PTPRD: variants seen among roughly 807,000 people sequenced by gnomAD.
PTPRD encodes protein tyrosine phosphatase receptor type D.
In PTPRD, 34 loss-of-function variants were observed where a neutral mutation model predicts 214.5. That is an observed-to-expected ratio of 0.16 (90% CI 0.12 to 0.21). The LOEUF is 0.21. PTPRD is among the 10% of genes least tolerant of loss of function. The probability of loss-of-function intolerance (pLI) is 1.00; values close to 1 mark genes in which losing one functional copy is unlikely to be tolerated. For synonymous variants in PTPRD, 1,128 were observed against 845.7 expected (o/e 1.33, Z -5.79); for missense variants, 2,545 against 2,398.7 (o/e 1.06, Z -1.27).
chr9:8,737,457 T>A (rs1290546034), intron 11 of PTPRD, among the ~76,000 whole-genome samples: 1 of 150,848 alleles, frequency 6.6e-6, no homozygotes, highest in Non-Finnish European at 1.5e-5. Context: ...AAACCAAAAA[T>A]AAACAGGATA....
At chr9:10,382,262 T>G (rs1485735388) in intron 2 of PTPRD, among the ~76,000 whole-genome samples, 2 of 151,962 alleles carry the variant, frequency 1.3e-5, no homozygotes, top group African/African-American at 4.8e-5. Context: ...AAAGCCTTTC[T>G]TTTTCAAACT....
At chr9:8,390,112 C>T (rs1039225824) in intron 36 of PTPRD, among the ~76,000 whole-genome samples, 2 of 152,102 alleles carry the variant, frequency 1.3e-5, no homozygotes, top group African/African-American at 2.4e-5. Flanking sequence ...GACAGCTGCC[C>T]CCTAATTGGA....
intron 14 of PTPRD, among the ~76,000 whole-genome samples, chr9:8,569,140 C>T (rs932009824): frequency 6.6e-6 from 1 of 152,054 alleles, no homozygotes; most frequent in African/African-American, 2.4e-5. Context: ...TTTTAACCCA[C>T]GTAGGTGAAA....
At chr9:9,953,025 G>A (rs949470280) in intron 4 of PTPRD, among the ~76,000 whole-genome samples, 2 of 152,170 alleles carry the variant, frequency 1.3e-5, no homozygotes, top group African/African-American at 2.4e-5. Flanking sequence ...ATGAATTTTA[G>A]GATGAACTGC....
At chr9:10,027,143 G>T (rs2096938922) in intron 4 of PTPRD, among the ~76,000 whole-genome samples, 1 of 152,056 alleles carries the variant, frequency 6.6e-6, no homozygotes, top group Non-Finnish European at 1.5e-5. Context: ...CTTACACTTG[G>T]GGGGAAATGT....
At chr9:10,231,985 A>T (rs199724010) in intron 3 of PTPRD, among the ~76,000 whole-genome samples, 9,038 of 95,080 alleles carry the variant, frequency 0.095, 295 homozygotes, top group East Asian at 0.17. Flanking sequence ...AGAGAGAGAG[A>T]GAGAGTGTGT....
At chr9:9,835,971 C>T (rs1374372285) in intron 5 of PTPRD, among the ~76,000 whole-genome samples, 1 of 152,146 alleles carries the variant, frequency 6.6e-6, no homozygotes, top group Non-Finnish European at 1.5e-5. Flanking sequence ...TATAGAATTA[C>T]ACTATCAGTT....
At chr9:9,347,526 G>A (rs1329433841) in intron 9 of PTPRD, among the ~76,000 whole-genome samples, 1 of 151,994 alleles carries the variant, frequency 6.6e-6, no homozygotes, top group Non-Finnish European at 1.5e-5. Flanking sequence ...AGGTGATGCA[G>A]AGTGGGTGTT....
chr9:8,562,326 T>A (rs1363276656), intron 14 of PTPRD, among the ~76,000 whole-genome samples: 1 of 152,200 alleles, frequency 6.6e-6, no homozygotes, highest in African/African-American at 2.4e-5. Flanking sequence ...TATGACAATA[T>A]TAATTATATT....
intron 7 of PTPRD, among the ~76,000 whole-genome samples, chr9:9,614,011 A>T (rs978884388): frequency 6.6e-6 from 1 of 152,146 alleles, no homozygotes; most frequent in African/African-American, 2.4e-5. Context: ...CCTTCTTCAC[A>T]TGTTGTCATA....
chr9:9,003,840 CTG>C (rs1047728189), intron 11 of PTPRD, among the ~76,000 whole-genome samples: 2 of 152,062 alleles, frequency 1.3e-5, no homozygotes, highest in Non-Finnish European at 2.9e-5. Context: ...AACTCGCAAT[CTG>C]TAAATGCCTG....
intron 8 of PTPRD, among the ~76,000 whole-genome samples, chr9:9,491,313 G>T (rs920411957): frequency 6.6e-6 from 1 of 151,866 alleles, no homozygotes; most frequent in South Asian, 2.1e-4. Context: ...AAAACTGATG[G>T]AATTAAAGGA....
intron 5 of PTPRD, among the ~76,000 whole-genome samples, chr9:9,936,244 A>C (rs931270247): frequency 1.3e-5 from 2 of 148,682 alleles, no homozygotes; most frequent in Admixed American, 6.6e-5. Context: ...TAATTAAACT[A>C]AAGAGCTTCT....
chr9:10,408,764 T>C (rs1457142053), intron 2 of PTPRD, among the ~76,000 whole-genome samples: 2 of 151,722 alleles, frequency 1.3e-5, no homozygotes, highest in African/African-American at 2.4e-5. Flanking sequence ...GTGTTTAGTC[T>C]TTCTAAGACT....
At chr9:8,435,830 C>T (rs940429970) in intron 35 of PTPRD, among the ~76,000 whole-genome samples, 1 of 152,092 alleles carries the variant, frequency 6.6e-6, no homozygotes, top group Non-Finnish European at 1.5e-5. Flanking sequence ...TTCAGCGCAC[C>T]ATTCCTTCAA....
chr9:10,513,705 C>T (rs1290577536), intron 2 of PTPRD, among the ~76,000 whole-genome samples: 5 of 152,118 alleles, frequency 3.3e-5, no homozygotes, highest in Non-Finnish European at 5.9e-5. Context: ...AAAGTCAGGG[C>T]CTGATTTGCC....
intron 43 of PTPRD, among the ~76,000 whole-genome samples, chr9:8,335,199 GA>G (rs1845404586): frequency 6.6e-6 from 1 of 151,422 alleles, no homozygotes; most frequent in Non-Finnish European, 1.5e-5. Context: ...CAACAAAAAA[GA>G]AAATTCCAGG....
intron 2 of PTPRD, among the ~76,000 whole-genome samples, chr9:10,404,345 T>A (rs991484670): frequency 1.3e-5 from 2 of 151,742 alleles, no homozygotes; most frequent in Non-Finnish European, 2.9e-5. Context: ...TTTTGACTTT[T>A]TGAGAGAAAG....
intron 9 of PTPRD, among the ~76,000 whole-genome samples, chr9:9,395,860 A>G (rs922739165): frequency 2.0e-4 from 31 of 152,132 alleles, no homozygotes; most frequent in African/African-American, 6.3e-4. Context: ...TATTATGGTT[A>G]GGACTATCTA....
Sources: allele counts gnomAD v4.1 joint callset (sites outside exome capture counted in the v4.1 genomes callset), GRCh38; gene constraint gnomAD v4.1.1; transcripts MANE v1.5; gene names NCBI Gene and HGNC (gene_info 2026-07-23, HGNC 2026-07-21).